Variants in ANKRD17 observed in about 807,000 individuals in gnomAD.
The protein encoded by ANKRD17 is ankyrin repeat domain 17.
A neutral mutation model predicts 229.7 loss-of-function variants in ANKRD17; 19 were observed. The ratio of observed to expected loss-of-function variants is 0.08; its 90% CI spans 0.06 to 0.12. The LOEUF is 0.12. Ranked by LOEUF, ANKRD17 falls within the 10% of genes least tolerant of loss-of-function variation. The pLI, the probability that ANKRD17 is intolerant of heterozygous loss-of-function variation, is 1.00. For missense variants in ANKRD17, 2,176 were observed against 3,176.8 expected, an observed-to-expected ratio of 0.68 and a Z score of 7.57; for synonymous variants, 1,112 against 1,146.1, an observed-to-expected ratio of 0.97 and a Z score of 0.60.
chr4:73,142,584 A>G (rs1473923582), intron 12 of ANKRD17, 56 bp downstream of exon 12: 3 of 1,612,514 alleles, frequency 1.9e-6, no homozygotes, highest in African/African-American at 1.3e-5. Flanking sequence ...TGTTGTAACA[A>G]TGACCAAGAG....
In ANKRD17 at chr4:73,121,685, C is replaced by T. The variant is rs1417510456; in HGVS notation, c.3567G>A (p.Leu1189=). The T allele has an allele frequency of 4.3e-6, 7 of 1,613,644 alleles. No individual in the cohort carries two copies. Among genetic ancestry groups the T allele is most frequent in the Non-Finnish European group, 5.9e-6 (7 of 1,179,802 alleles). Residue 1189 remains leucine, a synonymous_variant, in exon 19 of 34, where the codon CTG becomes CTA. Coordinates refer to ENST00000358602, the MANE Select transcript of ANKRD17 (RefSeq NM_032217.5). ...TGTTCACATAGCCACCAGAAGCAGC[C>T]AGACTTAGAGGTGTGTAATCAGAAA... ...RNVSDYTPLS[L]AASGGYVNII... is the part of the protein sequence containing the mutation.
At chr4:73,126,113 G>A (rs1456641652) in intron 16 of ANKRD17, among the ~76,000 whole-genome samples, 1 of 152,154 alleles carries the variant, frequency 6.6e-6, no homozygotes, top group Non-Finnish European at 1.5e-5. Context: ...CCCAACTTGA[G>A]AAGACAGAAT....
intron 1 of ANKRD17, among the ~76,000 whole-genome samples, chr4:73,253,938 T>C (rs764011518): frequency 6.6e-6 from 1 of 152,212 alleles, no homozygotes; most frequent in Non-Finnish European, 1.5e-5. Flanking sequence ...AAGTACTAGT[T>C]ATTCACTAAA....
At chr4:73,098,931 C>A in intron 25 of ANKRD17, 1 of 1,017,096 alleles carries the variant, frequency 9.8e-7, no homozygotes, top group South Asian at 1.3e-5. Context: ...CTGGTGAGTT[C>A]CGGGACAGCA....
At chr4:73,187,315 G>T (rs1450456234) in intron 1 of ANKRD17, among the ~76,000 whole-genome samples, 2 of 152,182 alleles carry the variant, frequency 1.3e-5, no homozygotes, top group African/African-American at 4.8e-5. Flanking sequence ...CCTTGGAATT[G>T]CAAGACTAAG....
Position 73,155,547 on chromosome 4 carries a change from A to G in ANKRD17, c.1000+84T>C, listed in dbSNP as rs1011519772. The G allele has an allele frequency of 2.0e-6, 3 of 1,486,684 alleles. No homozygotes were observed. In the African/African-American group the frequency reaches 4.2e-5, roughly 21 times the overall value. The allele number at this position is 1,486,684 out of a possible 1,614,324, so 92.1% of individuals were successfully genotyped here. On this transcript the variant is annotated intron_variant, in intron 5 of 33. Transcript: ENST00000358602. The stretch of plus-strand genomic sequence containing the variant: ...CTTCTAATAAGAGAACTGAAAAATT[A>G]GCACTAAACATCACTTTCATGCAAA...
intron 1 of ANKRD17, among the ~76,000 whole-genome samples, chr4:73,206,318 AC>A (rs1185726667): frequency 6.6e-6 from 1 of 152,080 alleles, no homozygotes; most frequent in Admixed American, 6.6e-5. Flanking sequence ...GTTCACAACC[AC>A]CAAGATACGG....
chr4:73,105,039 C>T (rs1005218889), intron 24 of ANKRD17, among the ~76,000 whole-genome samples: 12 of 152,030 alleles, frequency 7.9e-5, no homozygotes, highest in Admixed American at 2.6e-4. Flanking sequence ...GTTTTAAAGC[C>T]GGCGTTTTGA....
At chr4:73,085,831 A>T (rs977247155) in intron 29 of ANKRD17, among the ~76,000 whole-genome samples, 8 of 151,490 alleles carry the variant, frequency 5.3e-5, no homozygotes, top group Non-Finnish European at 8.8e-5. Context: ...AAAATTAAAA[A>T]AAAAAAAAAA....
chr4:73,142,897 A>G, intron 11 of ANKRD17, 130 bp from the exon 12 acceptor site: 1 of 1,010,886 alleles, frequency 9.9e-7, no homozygotes, highest in Admixed American at 3.3e-5. Flanking sequence ...CCGAGCTTTA[A>G]TGATTATAAA....
At chr4:73,153,776 TA>T in intron 6 of ANKRD17, 103 bp downstream of exon 6, 1 of 804,202 alleles carries the variant, frequency 1.2e-6, no homozygotes, top group Non-Finnish European at 1.8e-6. Flanking sequence ...TTACATACTA[TA>T]TACTATCATT....
intron 29 of ANKRD17, 107 bp downstream of exon 29, chr4:73,090,560 T>C: frequency 2.1e-6 from 3 of 1,398,792 alleles, no homozygotes; most frequent in Non-Finnish European, 2.9e-6. Context: ...AATCCAACAA[T>C]CTTTGTCTAT....
chr4:73,115,781 C>A, intron 23 of ANKRD17, 40 bp downstream of exon 23: 1 of 1,472,222 alleles, frequency 6.8e-7, no homozygotes. Flanking sequence ...ATATATTAAC[C>A]GAATAGAGTC....
chr4:73,129,689 C>A (rs939455191), intron 16 of ANKRD17, among the ~76,000 whole-genome samples: 3 of 151,942 alleles, frequency 2.0e-5, no homozygotes, highest in Admixed American at 6.6e-5. Context: ...TGCACTCCAA[C>A]CTGGCTGACA....
chr4:73,159,525 C>A (rs1732218364), intron 3 of ANKRD17, among the ~76,000 whole-genome samples: 1 of 152,194 alleles, frequency 6.6e-6, no homozygotes, highest in Non-Finnish European at 1.5e-5. Context: ...GTACTCACTG[C>A]ACTTAAGTCC....
At position 73,076,117 on chromosome 4, in the gene ANKRD17, C is replaced by A; in HGVS notation, c.*114G>T. On this transcript the variant is annotated 3_prime_UTR_variant, in exon 34 of 34. Coordinates refer to ENST00000358602, the MANE Select transcript of ANKRD17 (RefSeq NM_032217.5). ...AGTAAGATCTTCTGCAAAAAGCCTA[C>A]ACACTTCAGTCAAGCACATCAGTAG... 1.2e-6 allele frequency: 1 copy of A among 809,474 alleles called. No homozygotes were observed. The highest frequency in any genetic ancestry group is 1.8e-6 in the Non-Finnish European group (1 of 546,530). 50.1% of individuals were successfully genotyped at this position (809,474 alleles called of 1,614,324 possible).
chr4:73,190,020 T>C (rs1379034782), intron 1 of ANKRD17, among the ~76,000 whole-genome samples: 1 of 152,118 alleles, frequency 6.6e-6, no homozygotes, highest in Non-Finnish European at 1.5e-5. Context: ...TTAAAGACAA[T>C]ATCCATTTTC....
chr4:73,224,236 T>C (rs899135126), intron 1 of ANKRD17, among the ~76,000 whole-genome samples: 1 of 152,174 alleles, frequency 6.6e-6, no homozygotes, highest in Non-Finnish European at 1.5e-5. Flanking sequence ...AGAGCGAGAC[T>C]GTCTCCAAAA....
chr4:73,150,340 T>C (rs1730847797), intron 7 of ANKRD17, among the ~76,000 whole-genome samples: 1 of 152,206 alleles, frequency 6.6e-6, no homozygotes, highest in Admixed American at 6.5e-5. Context: ...AATTTCTTAA[T>C]CTACACACAG....
Sources: gnomAD v4.1 joint callset for allele counts (sites outside exome capture counted in the v4.1 genomes callset) on GRCh38, gnomAD v4.1.1 for gene constraint, MANE v1.5 for transcripts, NCBI Gene and HGNC (gene_info 2026-07-23, HGNC 2026-07-21) for gene names.